The following PDE4A variants were observed in gnomAD, a reference collection of about 807,000 sequenced individuals.
PDE4A encodes the protein phosphodiesterase 4A, also known as 3',5'-cyclic-AMP phosphodiesterase 4A.
PDE4A carries 21 observed loss-of-function variants against 73.9 expected under a neutral mutation model. That is an observed-to-expected ratio of 0.28 (90% confidence interval 0.20 to 0.41). The LOEUF (loss-of-function observed/expected upper bound fraction) is 0.41. PDE4A is among the 10% of genes least tolerant of loss of function. PDE4A has a pLI of 1.00. For synonymous variants in PDE4A, 463 were observed against 505.4 expected, an observed-to-expected ratio of 0.92 and a Z score of 1.13; for missense variants, 958 against 1,211.4, an observed-to-expected ratio of 0.79 and a Z score of 3.10.
chr19:10,466,068 T>A (rs1454975119), intron 14 of PDE4A, among the ~76,000 whole-genome samples: 1 of 148,108 alleles, frequency 6.8e-6, no homozygotes, highest in African/African-American at 2.5e-5. Context: ...AATGGCACAA[T>A]CTCGGCTCAC....
chr19:10,419,056 CTTTTTTTTTTT>C (rs977830124), upstream of PDE4A: 178 of 817,220 alleles, frequency 2.2e-4, 1 homozygote, highest in East Asian at 0.015. Flanking sequence ...GACCGGCAGT[CTTTTTTTTTTT>C]TTTTTTTTTT....
intron 14 of PDE4A, among the ~76,000 whole-genome samples, chr19:10,466,215 G>A (rs2043367334): frequency 6.7e-6 from 1 of 150,206 alleles, no homozygotes; most frequent in Non-Finnish European, 1.5e-5. Flanking sequence ...GGGAGGCCGA[G>A]GTGGGCTGAT....
chr19:10,451,353 G>T (rs921892181), intron 6 of PDE4A, among the ~76,000 whole-genome samples: 3 of 152,096 alleles, frequency 2.0e-5, no homozygotes, highest in African/African-American at 7.2e-5. Context: ...GTGTTGTGGG[G>T]TGGGGTGTGT....
upstream of PDE4A, chr19:10,417,705 G>GCCGA: frequency 6.3e-7 from 1 of 1,594,918 alleles, no homozygotes; most frequent in Non-Finnish European, 8.5e-7. Flanking sequence ...CATGCTGGGG[G>GCCGA]CCGACCTGCG....
chr19:10,420,394 AGCTGCCCCCC>A (rs2042632533), upstream of PDE4A: 1 of 972,380 alleles, frequency 1.0e-6, no homozygotes, highest in Non-Finnish European at 1.2e-6. The surrounding 1 kb of genome is among the most constrained non-coding windows in gnomAD (Gnocchi z 6.0). Flanking sequence ...CTCCTTAGGT[AGCTGCCCCCC>A]GCTGGCCCGG....
rs2145537730 is a variant in PDE4A at position 10,449,159 on chromosome 19, A to G, written c.620+9A>G. Reference sequence around the variant, plus strand: ...CCCGTTCCCAGTAACAAGTAAGTGAAGGCTGGGCTGCAACAGCTGTGATCA... The same window carrying G: ...CCCGTTCCCAGTAACAAGTAAGTGAGGGCTGGGCTGCAACAGCTGTGATCA... On this transcript the variant is annotated intron_variant, in intron 4 of 14. Transcript: ENST00000380702. 1.2e-6 allele frequency: 2 copies of G among 1,612,786 alleles called. No individual in the cohort carries two copies. Among genetic ancestry groups the G allele is most frequent in the Non-Finnish European group, 8.5e-7 (1 of 1,179,480 alleles).
chr19:10,422,348 C>T (rs933557650), intron 1 of PDE4A, among the ~76,000 whole-genome samples: 2 of 152,156 alleles, frequency 1.3e-5, no homozygotes, highest in South Asian at 2.1e-4. Context: ...AGCGTCGGTG[C>T]TCTGACATGT....
chr19:10,431,564 C>A (rs1330073094), intron 1 of PDE4A, among the ~76,000 whole-genome samples: 1 of 152,196 alleles, frequency 6.6e-6, no homozygotes, highest in Non-Finnish European at 1.5e-5. Context: ...GAGTGACAGG[C>A]CCCGAGGCCA....
chr19:10,419,079 T>C, upstream of PDE4A: 1 of 974,536 alleles, frequency 1.0e-6, no homozygotes, highest in Non-Finnish European at 1.2e-6. Flanking sequence ...TTTTTTTTTT[T>C]TCAAATAAGG....
chr19:10,442,955 A>G (rs796262624), intron 1 of PDE4A, among the ~76,000 whole-genome samples: 2 of 151,834 alleles, frequency 1.3e-5, no homozygotes, highest in African/African-American at 4.8e-5. Flanking sequence ...ATGCATGTGT[A>G]TGTAATATTA....
intron 4 of PDE4A, 92 bp from the exon 5 acceptor site, chr19:10,450,511 A>G: frequency 6.7e-7 from 1 of 1,489,292 alleles, no homozygotes; most frequent in East Asian, 2.4e-5. Context: ...TTTCAGACAA[A>G]TGAAAATTGG....
intron 1 of PDE4A, among the ~76,000 whole-genome samples, chr19:10,445,770 C>CA (rs368282378): frequency 0.069 from 7,640 of 110,588 alleles, 247 homozygotes; most frequent in Middle Eastern, 0.091. Flanking sequence ...GACCATACCT[C>CA]AAAAAAAAAA....
At position 10,467,458 on chromosome 19, in the gene PDE4A, C is replaced by CCCCGGGCCT. The variant is rs747376078; in HGVS notation, c.2511_2519dup (p.Gly838_Pro840dup). The CCCCGGGCCT allele has an allele frequency of 6.5e-5, 105 of 1,613,318 alleles. No individual in the cohort carries two copies. Among genetic ancestry groups the CCCCGGGCCT allele is most frequent in the Non-Finnish European group, 7.7e-5 (91 of 1,179,770 alleles). On this transcript the variant is annotated inframe_insertion, in exon 15 of 15. Transcript: ENST00000380702. The stretch of plus-strand genomic sequence containing the variant: ...AGGACCCTGTCTGTTTCAGAGCATG[C>CCCCGGGCCT]CCCGGGCCTCCCGGGCCTCCCCTCC...
At chr19:10,449,261 C>A in intron 4 of PDE4A, 111 bp downstream of exon 4, 1 of 1,146,388 alleles carries the variant, frequency 8.7e-7, no homozygotes, top group Non-Finnish European at 1.3e-6. Flanking sequence ...CTCTGAACCT[C>A]TGTTCAGACA....
rs1349633500 is a variant in PDE4A, at chr19:10,467,683, ACCT to A, written c.*70_*72del. 11 of 1,258,616 alleles carry A rather than the reference ACCT, an allele frequency of 8.7e-6. No homozygotes were observed. Among genetic ancestry groups the A allele is most frequent in the Admixed American group, 2.4e-5 (1 of 42,346 alleles). 78.0% of individuals were successfully genotyped at this position (1,258,616 alleles called of 1,614,324 possible). A position where few individuals can be genotyped will look rare whatever the true frequency, so the allele number is the denominator to read the frequency against. ...CCCTCACTCCCCTGCTCCCCCGACC[ACCT>A]CCTCCTCTGCCTCAAAGACTCTTGT... On this transcript the variant is annotated 3_prime_UTR_variant, in exon 15 of 15. Transcript: ENST00000380702.
intron 7 of PDE4A, 45 bp from the exon 8 acceptor site, chr19:10,457,834 G>A (rs1165696706): frequency 1.2e-6 from 2 of 1,608,472 alleles, no homozygotes; most frequent in Non-Finnish European, 1.7e-6. Flanking sequence ...GCCTCCAGGG[G>A]TGGAAGGGTT....
At chr19:10,431,142 T>C in intron 1 of PDE4A, 5 of 1,244,158 alleles carry the variant, frequency 4.0e-6, no homozygotes, top group Non-Finnish European at 5.4e-6. Context: ...CCTGGCGCAC[T>C]CCAGGGTCTA....
At chr19:10,420,220 GAC>G (rs780482462), upstream of PDE4A, 87 of 191,632 alleles carry the variant, frequency 4.5e-4, no homozygotes, top group Non-Finnish European at 6.5e-4. The surrounding 1 kb of genome is among the most constrained non-coding windows in gnomAD (Gnocchi z 6.0). Context: ...CCGACTGACT[GAC>G]ACTCTGGCAA....
At chr19:10,425,025 A>C (rs959757334) in intron 1 of PDE4A, among the ~76,000 whole-genome samples, 1 of 152,170 alleles carries the variant, frequency 6.6e-6, no homozygotes, top group Admixed American at 6.5e-5. Flanking sequence ...GGAGTTCAAG[A>C]TCATCCTGGC....
Sources: allele counts gnomAD v4.1 joint callset (sites outside exome capture counted in the v4.1 genomes callset), GRCh38; gene constraint gnomAD v4.1.1; non-coding constraint Gnocchi (gnomAD v3.1); transcripts MANE v1.5; gene names NCBI Gene and HGNC (gene_info 2026-07-23, HGNC 2026-07-21).